Variants in DLGAP2 observed in about 807,000 individuals in gnomAD.
DLGAP2 encodes disks large-associated protein 2.
DLGAP2 carries 26 observed loss-of-function variants against 100.3 expected under a neutral mutation model. The ratio of observed to expected loss-of-function variants is 0.26; its 90% CI spans 0.19 to 0.36. DLGAP2 has a LOEUF of 0.36. Among genes scored for constraint, DLGAP2 ranks in the 10% least tolerant of loss-of-function variants. The probability of loss-of-function intolerance (pLI) is 1.00; values close to 1 mark genes in which losing one functional copy is unlikely to be tolerated. For synonymous variants in DLGAP2, 886 were observed against 630.1 expected (o/e 1.41, Z -6.08); for missense variants, 1,858 against 1,453.2 (o/e 1.28, Z -4.53).
At chr8:1,044,180 A>G (rs901117022) in intron 2 of DLGAP2, among the ~76,000 whole-genome samples, 15 of 152,200 alleles carry the variant, frequency 9.9e-5, no homozygotes, top group African/African-American at 3.1e-4. Context: ...TAGGGGCCCA[A>G]TAAAGCCCTG....
chr8:1,005,338 C>G (rs1456976685), intron 2 of DLGAP2, among the ~76,000 whole-genome samples: 1 of 151,870 alleles, frequency 6.6e-6, no homozygotes, highest in African/African-American at 2.4e-5. Flanking sequence ...GAGCCGCGTC[C>G]TTAGCAAGGC....
chr8:1,436,492 G>C (rs185204566), intron 3 of DLGAP2, among the ~76,000 whole-genome samples: 88 of 152,274 alleles, frequency 5.8e-4, no homozygotes, highest in Non-Finnish European at 1.1e-3. Flanking sequence ...ACTGACTCCA[G>C]TGTTAATCTC....
chr8:1,368,341 G>C (rs1259742412), intron 3 of DLGAP2, among the ~76,000 whole-genome samples: 1 of 151,702 alleles, frequency 6.6e-6, no homozygotes, highest in African/African-American at 2.4e-5. Context: ...ATGTGTGTGT[G>C]CATGCGTGTG....
At chr8:1,174,023 T>A (rs1348708464) in intron 2 of DLGAP2, among the ~76,000 whole-genome samples, 1 of 152,082 alleles carries the variant, frequency 6.6e-6, no homozygotes, top group Non-Finnish European at 1.5e-5. Context: ...CCATCTTGGC[T>A]CCTCCGCTCG....
At chr8:861,875 T>C (rs1563068565) in intron 1 of DLGAP2, among the ~76,000 whole-genome samples, 1 of 152,218 alleles carries the variant, frequency 6.6e-6, no homozygotes, top group Non-Finnish European at 1.5e-5. Flanking sequence ...ATTCACATGT[T>C]GTTTTATCCA....
At chr8:792,890 C>G (rs1377774362) in intron 1 of DLGAP2, among the ~76,000 whole-genome samples, 2 of 152,154 alleles carry the variant, frequency 1.3e-5, no homozygotes, top group East Asian at 3.9e-4. Context: ...GTTTATGGGG[C>G]TGAGTGTGTT....
chr8:983,208 G>A (rs1035994200), intron 2 of DLGAP2, among the ~76,000 whole-genome samples: 4 of 152,190 alleles, frequency 2.6e-5, no homozygotes, highest in African/African-American at 4.8e-5. Context: ...TAGAATCCAC[G>A]TGTTGGTGGA....
chr8:791,863 C>T (rs746324234), intron 1 of DLGAP2, among the ~76,000 whole-genome samples: 1 of 152,186 alleles, frequency 6.6e-6, no homozygotes, highest in Non-Finnish European at 1.5e-5. Context: ...CACACACATG[C>T]ACTGTTTTCT....
intron 6 of DLGAP2, among the ~76,000 whole-genome samples, chr8:1,583,192 TTG>T (rs924981193): frequency 9.9e-5 from 15 of 152,170 alleles, no homozygotes; most frequent in African/African-American, 3.4e-4. Context: ...TGGGATATGT[TTG>T]TGAGTAGGCT....
intron 3 of DLGAP2, among the ~76,000 whole-genome samples, chr8:1,383,102 A>T (rs1796134405): frequency 6.6e-6 from 1 of 152,256 alleles, no homozygotes; most frequent in Admixed American, 6.5e-5. Context: ...GGGCAGTGCC[A>T]TATCTATGTT....
At chr8:1,607,872 C>T (rs1796857489) in intron 6 of DLGAP2, among the ~76,000 whole-genome samples, 3 of 150,568 alleles carry the variant, frequency 2.0e-5, no homozygotes, top group South Asian at 2.1e-4. Flanking sequence ...TATCCCACAC[C>T]TGGCTCGGAG....
chr8:946,159 C>A (rs1053871476), intron 2 of DLGAP2, among the ~76,000 whole-genome samples: 36 of 152,220 alleles, frequency 2.4e-4, no homozygotes, highest in African/African-American at 8.2e-4. Flanking sequence ...AGCGTGACCC[C>A]CTGACTCCCC....
chr8:1,039,287 G>A (rs941069236), intron 2 of DLGAP2, among the ~76,000 whole-genome samples: 2 of 149,908 alleles, frequency 1.3e-5, no homozygotes, highest in Admixed American at 1.3e-4. Context: ...GGTTTCCATG[G>A]TCGGCTCGGT....
chr8:1,433,916 C>T (rs1460392495), intron 3 of DLGAP2, among the ~76,000 whole-genome samples: 4 of 152,090 alleles, frequency 2.6e-5, no homozygotes, highest in Non-Finnish European at 4.4e-5. Context: ...TCCTTACACT[C>T]TCAGAAACCG....
chr8:1,114,335 T>G (rs1348038091), intron 2 of DLGAP2, among the ~76,000 whole-genome samples: 1 of 152,154 alleles, frequency 6.6e-6, no homozygotes, highest in Non-Finnish European at 1.5e-5. Context: ...CCTGGGCTTT[T>G]TTTTGGTTGA....
intron 8 of DLGAP2, among the ~76,000 whole-genome samples, chr8:1,643,675 A>C (rs865781844): frequency 1.9e-5 from 1 of 52,310 alleles, no homozygotes; most frequent in Admixed American, 1.8e-4. Flanking sequence ...TCACCCTCCA[A>C]CCCGCCGGTC....
chr8:1,368,993 T>C (rs767501933), intron 3 of DLGAP2: 1 of 152,232 alleles, frequency 6.6e-6, no homozygotes, highest in Admixed American at 6.5e-5. Context: ...CTCAACTCTG[T>C]GCACGTGACG....
intron 2 of DLGAP2, among the ~76,000 whole-genome samples, chr8:1,052,757 A>G (rs1038645621): frequency 6.6e-6 from 1 of 152,126 alleles, no homozygotes; most frequent in Admixed American, 6.5e-5. Context: ...GCTCGGTTAC[A>G]CACACTGGAC....
chr8:1,429,997 CATATATATACATATATATATAT>C (rs1450160229), intron 3 of DLGAP2, among the ~76,000 whole-genome samples: 1 of 19,650 alleles, frequency 5.1e-5, no homozygotes, highest in Non-Finnish European at 1.2e-4. Context: ...GGGAGAGATG[CATATATATACATATATATATAT>C]ATATATATAC....
Sources: allele counts gnomAD v4.1 joint callset (sites outside exome capture counted in the v4.1 genomes callset), GRCh38; gene constraint gnomAD v4.1.1; transcripts MANE v1.5; gene names NCBI Gene and HGNC (gene_info 2026-07-23, HGNC 2026-07-21).